The following RASA3 variants were observed in gnomAD, a reference collection of about 807,000 sequenced individuals.
The protein encoded by RASA3 is ras GTPase-activating protein 3.
Under a neutral mutation model 110.0 loss-of-function variants are expected in RASA3, and 73 were observed. The ratio of observed to expected loss-of-function variants is 0.66; its 90% CI spans 0.55 to 0.81. RASA3 has a LOEUF of 0.81. Ranked by LOEUF, RASA3 falls within the 30% of genes least tolerant of loss-of-function variation. The pLI is 0.00. For synonymous variants in RASA3, 500 were observed against 451.4 expected, an observed-to-expected ratio of 1.11 and a Z score of -1.37; for missense variants, 976 against 1,113.2, an observed-to-expected ratio of 0.88 and a Z score of 1.75.
intron 18 of RASA3, among the ~76,000 whole-genome samples, chr13:114,001,979 A>G (rs142368394): frequency 0.04 from 6,105 of 152,380 alleles, 183 homozygotes; most frequent in Non-Finnish European, 0.066. Flanking sequence ...CTCAGCGAGG[A>G]GGACCTCAAG....
chr13:114,037,272 A>G (rs2054296195), intron 4 of RASA3, among the ~76,000 whole-genome samples: 1 of 152,212 alleles, frequency 6.6e-6, no homozygotes, highest in Non-Finnish European at 1.5e-5. Context: ...CGACTGTCAC[A>G]ACAGCCCATC....
At chr13:114,027,232 C>T (rs1442263328) in intron 7 of RASA3, among the ~76,000 whole-genome samples, 157 bp downstream of exon 7, 1 of 152,046 alleles carries the variant, frequency 6.6e-6, no homozygotes, top group African/African-American at 2.4e-5. Flanking sequence ...GGGCTCGCTC[C>T]TCTCCGGAAG....
chr13:114,014,288 A>C lies in RASA3; in HGVS notation c.1405+921T>G, dbSNP rs1160244347. On this transcript the variant is annotated intron_variant, in intron 14 of 23. Coordinates refer to ENST00000334062, the MANE Select transcript of RASA3 (RefSeq NM_007368.4). The surrounding 1 kb of genome is among the most constrained non-coding windows in gnomAD (Gnocchi z 4.5). The stretch of plus-strand genomic sequence containing the variant: ...GGATGTGTTTTATCTCTTCACTTCC[A>C]CCTTGTTCAAAGTGGGTCTGGGGCT... 6.6e-6 allele frequency among the ~76,000 whole-genome samples: 1 copy of C among 151,974 alleles called. No homozygotes were observed. Among genetic ancestry groups the C allele is most frequent in the East Asian group, 1.9e-4 (1 of 5,176 alleles).
chr13:114,093,766 CTG>C (rs907201130), intron 1 of RASA3, among the ~76,000 whole-genome samples: 29 of 139,608 alleles, frequency 2.1e-4, no homozygotes, highest in African/African-American at 6.9e-4. Flanking sequence ...TTTTTCTTCT[CTG>C]TGTATTTTCA....
chr13:114,009,108 C>T (rs539983735), intron 17 of RASA3, among the ~76,000 whole-genome samples: 4 of 152,350 alleles, frequency 2.6e-5, no homozygotes, highest in African/African-American at 7.2e-5. Flanking sequence ...AGGTGGGACG[C>T]GCCCTCATTC....
chr13:114,095,410 C>T (rs1165718281), intron 1 of RASA3, among the ~76,000 whole-genome samples: 1 of 152,164 alleles, frequency 6.6e-6, no homozygotes, highest in East Asian at 1.9e-4. Context: ...CCCCTCCCTA[C>T]AGTCCCTGGC....
chr13:114,022,268 C>T (rs1377452899), intron 8 of RASA3, among the ~76,000 whole-genome samples: 2 of 152,178 alleles, frequency 1.3e-5, no homozygotes, highest in Admixed American at 6.5e-5. Flanking sequence ...TGGGATGGTA[C>T]GTGTCCCCTC....
At chr13:114,062,290 GC>G (rs2079368152) in intron 2 of RASA3, among the ~76,000 whole-genome samples, 1 of 151,668 alleles carries the variant, frequency 6.6e-6, no homozygotes, top group Non-Finnish European at 1.5e-5. Context: ...ACAACAAATT[GC>G]TTTTTTTTAA....
chr13:114,093,246 G>GT (rs2079907247), intron 1 of RASA3, among the ~76,000 whole-genome samples: 1 of 152,062 alleles, frequency 6.6e-6, no homozygotes, highest in African/African-American at 2.4e-5. Flanking sequence ...TGTAGGACAG[G>GT]TGTGGTAGTG....
At chr13:114,068,557 T>C (rs1353279823) in intron 2 of RASA3, among the ~76,000 whole-genome samples, 1 of 152,232 alleles carries the variant, frequency 6.6e-6, no homozygotes, top group East Asian at 1.9e-4. Flanking sequence ...TGATTTCCAC[T>C]GCAGCGCAGC....
chr13:114,120,102 A>G (rs1389511384), intron 1 of RASA3, among the ~76,000 whole-genome samples: 2 of 79,328 alleles, frequency 2.5e-5, no homozygotes, highest in Admixed American at 2.3e-4. Context: ...CCAGGCGTCG[A>G]TCAGGGCCCC....
chr13:114,041,223 G>A (rs1319174621), intron 3 of RASA3, 129 bp from the exon 4 acceptor site: 30 of 816,508 alleles, frequency 3.7e-5, no homozygotes, highest in African/African-American at 1.2e-4. Context: ...GGCACCGGCC[G>A]GGTGCGGGGC....
intron 1 of RASA3, among the ~76,000 whole-genome samples, chr13:114,116,133 C>T (rs111890010): frequency 0.032 from 4,810 of 152,304 alleles, 134 homozygotes; most frequent in Non-Finnish European, 0.047. Flanking sequence ...CCTTGCAACG[C>T]GCAGCTAACG....
At position 114,002,605 on chromosome 13, in the gene RASA3, T is replaced by C. The variant is rs539181452; in HGVS notation, c.1743-1673A>G. Among the ~76,000 whole-genome samples the C allele has an allele frequency of 1.0e-3, 153 of 152,342 alleles. 1 individual carries two copies. Among genetic ancestry groups the C allele is most frequent in the Non-Finnish European group, 1.5e-3 (99 of 68,034 alleles). ...TTAGATTTGAGTAGCAGTCTTGTTA[T>C]AAATGTTTTCGGCTTTAGGATTTTT... On this transcript the variant is annotated intron_variant, in intron 18 of 23. Transcript: ENST00000334062.
At chr13:113,982,277 A>G (rs2052954277) in intron 22 of RASA3, among the ~76,000 whole-genome samples, 1 of 152,220 alleles carries the variant, frequency 6.6e-6, no homozygotes, top group South Asian at 2.1e-4. Context: ...AGCCCTGAAG[A>G]GTCAGCTGAG....
chr13:114,042,292 G>C (rs1489003843), intron 3 of RASA3, among the ~76,000 whole-genome samples: 1 of 152,232 alleles, frequency 6.6e-6, no homozygotes, highest in African/African-American at 2.4e-5. Flanking sequence ...TCCGCACACT[G>C]CGGACCACGC....
At chr13:114,003,321 T>G (rs1401808135) in intron 18 of RASA3, among the ~76,000 whole-genome samples, 1 of 152,054 alleles carries the variant, frequency 6.6e-6, no homozygotes, top group African/African-American at 2.4e-5. Context: ...TCCTTGAACC[T>G]CTGGCTGGTG....
At chr13:114,076,196 G>T (rs906634157) in intron 1 of RASA3, among the ~76,000 whole-genome samples, 1 of 152,212 alleles carries the variant, frequency 6.6e-6, no homozygotes, top group Non-Finnish European at 1.5e-5. Context: ...AGGCTCCTCC[G>T]GCTCTGAGAC....
At chr13:114,079,791 C>T (rs998913555) in intron 1 of RASA3, among the ~76,000 whole-genome samples, 4 of 152,118 alleles carry the variant, frequency 2.6e-5, no homozygotes, top group African/African-American at 7.2e-5. Flanking sequence ...ACGGGGGCTC[C>T]GTGACTGGCC....
Sources: allele counts gnomAD v4.1 joint callset (sites outside exome capture counted in the v4.1 genomes callset), GRCh38; gene constraint gnomAD v4.1.1; non-coding constraint Gnocchi (gnomAD v3.1); transcripts MANE v1.5; gene names NCBI Gene and HGNC (gene_info 2026-07-23, HGNC 2026-07-21).